Variants in MAGI2 observed in about 807,000 individuals in gnomAD.
MAGI2 encodes membrane associated guanylate kinase, WW and PDZ domain containing 2.
In MAGI2, 35 loss-of-function variants were observed where a neutral mutation model predicts 133.3. The observed-to-expected ratio is 0.26, with a 90% confidence interval of 0.20 to 0.35. The LOEUF (loss-of-function observed/expected upper bound fraction) is 0.35, where lower values mean the gene tolerates loss of function less well. Ranked by LOEUF, MAGI2 falls within the 10% of genes least tolerant of loss-of-function variation. The pLI is 1.00. For synonymous variants in MAGI2, 729 were observed against 710.6 expected, an observed-to-expected ratio of 1.03 and a Z score of -0.41; for missense variants, 1,636 against 1,863.4, an observed-to-expected ratio of 0.88 and a Z score of 2.25.
chr7:78,594,512 C>T (rs963453718), intron 3 of MAGI2, among the ~76,000 whole-genome samples: 1 of 152,108 alleles, frequency 6.6e-6, no homozygotes, highest in African/African-American at 2.4e-5. Context: ...GGCTGGCATG[C>T]AGTGGTGTGA....
rs1798027603 is a variant in MAGI2 at position 78,413,392 on chromosome 7, T to G, written c.1046-44179A>C. On this transcript the variant is annotated intron_variant, in intron 6 of 21. Coordinates refer to ENST00000354212, the MANE Select transcript of MAGI2 (RefSeq NM_012301.4). Reference sequence around the variant, plus strand: ...AGTATACAGATTTGCATTTAGAACATGATGAGAAATGGCAATTAAATTATC... The same window carrying G: ...AGTATACAGATTTGCATTTAGAACAGGATGAGAAATGGCAATTAAATTATC... 3.3e-5 allele frequency among the ~76,000 whole-genome samples: 5 copies of G among 152,086 alleles called. No individual in the cohort carries two copies. The South Asian group carries it at 8.3e-4, about 25-fold the overall frequency.
At chr7:78,252,204 G>C (rs1159533139) in intron 10 of MAGI2, 1 of 147,014 alleles carries the variant, frequency 6.8e-6, no homozygotes, top group Non-Finnish European at 1.5e-5. Flanking sequence ...AAAGGACCTA[G>C]AATAGCCACA....
intron 9 of MAGI2, among the ~76,000 whole-genome samples, chr7:78,261,234 T>C (rs888811655): frequency 1.3e-5 from 2 of 152,198 alleles, no homozygotes; most frequent in Non-Finnish European, 2.9e-5. Flanking sequence ...TAAGTTATTA[T>C]TGTGAAGCTG....
intron 2 of MAGI2, among the ~76,000 whole-genome samples, chr7:78,630,111 T>A (rs138171338): frequency 6.6e-6 from 1 of 152,198 alleles, no homozygotes; most frequent in African/African-American, 2.4e-5. Context: ...TTTCTTTTTA[T>A]CCAGAGAAAA....
chr7:78,649,127 G>A (rs1225565351), intron 2 of MAGI2, among the ~76,000 whole-genome samples: 1 of 148,560 alleles, frequency 6.7e-6, no homozygotes, highest in Non-Finnish European at 1.5e-5. Context: ...ATGTCTGTTG[G>A]GTAGTGGCAC....
intron 10 of MAGI2, among the ~76,000 whole-genome samples, chr7:78,217,882 G>A (rs1788425728): frequency 6.6e-6 from 1 of 152,166 alleles, no homozygotes; most frequent in South Asian, 2.1e-4. Context: ...TAGCCTGGGG[G>A]CTGTAGTGGC....
intron 6 of MAGI2, among the ~76,000 whole-genome samples, chr7:78,459,713 A>G (rs1789757015): frequency 1.3e-5 from 2 of 152,234 alleles, no homozygotes; most frequent in African/African-American, 4.8e-5. Flanking sequence ...GCTGTATGCA[A>G]TCATTTTAAA....
intron 20 of MAGI2, among the ~76,000 whole-genome samples, chr7:78,109,485 A>G (rs1461672107): frequency 1.3e-5 from 2 of 151,606 alleles, no homozygotes; most frequent in African/African-American, 4.9e-5. Flanking sequence ...ACACAAAATT[A>G]GCTGGGCGTG....
intron 2 of MAGI2, among the ~76,000 whole-genome samples, chr7:78,641,206 A>G (rs549274686): frequency 8.5e-5 from 13 of 152,276 alleles, no homozygotes; most frequent in African/African-American, 3.1e-4. Context: ...AGTCTTGGGT[A>G]TGTTCTCATA....
chr7:79,003,072 C>T (rs2116479013), intron 2 of MAGI2, among the ~76,000 whole-genome samples: 2 of 152,130 alleles, frequency 1.3e-5, no homozygotes, highest in East Asian at 3.9e-4. Flanking sequence ...GACTAACCAC[C>T]TTCCTCCCCT....
chr7:78,612,819 G>A (rs539997722), intron 3 of MAGI2, among the ~76,000 whole-genome samples: 213 of 151,888 alleles, frequency 1.4e-3, no homozygotes, highest in Admixed American at 2.4e-3. Flanking sequence ...ACAGGCGCCC[G>A]CCACCACGCC....
chr7:79,130,098 C>A (rs1446202215), intron 1 of MAGI2, among the ~76,000 whole-genome samples: 3 of 146,958 alleles, frequency 2.0e-5, no homozygotes, highest in Non-Finnish European at 4.5e-5. Context: ...GCCAGGAGGT[C>A]AAGGCCAGCC....
rs552947164 is a variant in MAGI2 at position 78,348,466 on chromosome 7, G to C, written c.1104-2423C>G. ...ATTACTATTATTGAAGTGTTGCAGTGGTTATTGCCATTATTCTAAGGATGT... is the reference window on the plus strand; with the variant it reads ...ATTACTATTATTGAAGTGTTGCAGTCGTTATTGCCATTATTCTAAGGATGT... On this transcript the variant is annotated intron_variant, in intron 7 of 21. Coordinates refer to ENST00000354212, the MANE Select transcript of MAGI2 (RefSeq NM_012301.4). The C allele has an allele frequency of 1.1e-4, 17 of 152,142 alleles. No homozygotes were observed. In the South Asian group the frequency reaches 3.3e-3, roughly 30 times the overall value. The allele number at this position is 152,142 out of a possible 1,614,324, so 9.4% of individuals were successfully genotyped here.
chr7:78,027,627 CAAAAA>C (rs753787460), intron 21 of MAGI2, among the ~76,000 whole-genome samples: 1 of 84,394 alleles, frequency 1.2e-5, no homozygotes. Context: ...GACTCCATCT[CAAAAA>C]AAAAAAAAAA....
chr7:78,180,245 C>A (rs1243572874), intron 13 of MAGI2, among the ~76,000 whole-genome samples: 1 of 152,238 alleles, frequency 6.6e-6, no homozygotes, highest in Non-Finnish European at 1.5e-5. Context: ...TGCATCACCA[C>A]TGAATATGCT....
At chr7:78,088,381 G>A (rs1386421911) in intron 20 of MAGI2, among the ~76,000 whole-genome samples, 1 of 152,120 alleles carries the variant, frequency 6.6e-6, no homozygotes, top group Admixed American at 6.6e-5. Context: ...CAGACTGTGT[G>A]TGCACCAGTC....
At chr7:78,743,006 A>G (rs577998400) in intron 2 of MAGI2, among the ~76,000 whole-genome samples, 3 of 152,328 alleles carry the variant, frequency 2.0e-5, no homozygotes, top group Admixed American at 2.0e-4. Context: ...CTCTTGTCCT[A>G]GCTCCAGTCA....
intron 10 of MAGI2, chr7:78,253,402 G>A (rs1792632972): frequency 2.0e-5 from 3 of 152,192 alleles, no homozygotes; most frequent in Non-Finnish European, 4.4e-5. Flanking sequence ...GAGAATTCGG[G>A]ATGATGGATG....
At chr7:79,382,590 G>A (rs894591618) in intron 1 of MAGI2, among the ~76,000 whole-genome samples, 2 of 151,496 alleles carry the variant, frequency 1.3e-5, no homozygotes, top group African/African-American at 4.8e-5. Context: ...TTTGCATAAG[G>A]GGAAAGCAAT....
Sources: gnomAD v4.1 joint callset for allele counts (sites outside exome capture counted in the v4.1 genomes callset) on GRCh38, gnomAD v4.1.1 for gene constraint, MANE v1.5 for transcripts, NCBI Gene and HGNC (gene_info 2026-07-23, HGNC 2026-07-21) for gene names.